ITPK1: variants seen among roughly 807,000 people sequenced by gnomAD.
ITPK1 encodes the protein inositol-tetrakisphosphate 1-kinase, also known as inositol 1,3,4-trisphosphate 5/6-kinase.
In ITPK1, 21 loss-of-function variants were observed where a neutral mutation model predicts 45.3. That is an observed-to-expected ratio of 0.46 (90% confidence interval 0.33 to 0.67). The LOEUF is 0.67. Among genes scored for constraint, ITPK1 ranks in the 30% least tolerant of loss-of-function variants. The probability of loss-of-function intolerance (pLI) is 0.02; values close to 1 mark genes in which losing one functional copy is unlikely to be tolerated. For synonymous variants in ITPK1, 258 were observed against 253.6 expected (o/e 1.02, Z -0.16); for missense variants, 474 against 573.5 (o/e 0.83, Z 1.77).
At position 93,049,312 on chromosome 14, in the gene ITPK1, G is replaced by A. The variant is rs145268345; in HGVS notation, c.120+27283C>T. ...GTGCTAAGTACCAAGGTGAGTGCCT[G>A]CGAGGAGCCCACAGGTAAACACAGT... On this transcript the variant is annotated intron_variant, in intron 3 of 10. Transcript: ENST00000267615. Among the ~76,000 whole-genome samples the A allele has an allele frequency of 5.5e-4, 84 of 152,328 alleles. No homozygotes were observed. The Middle Eastern group carries it at 0.02, about 37-fold the overall frequency.
chr14:93,048,584 C>A (rs370292394), intron 3 of ITPK1, among the ~76,000 whole-genome samples: 1 of 152,184 alleles, frequency 6.6e-6, no homozygotes, highest in Non-Finnish European at 1.5e-5. Context: ...GCTCCTGATA[C>A]TCCCACAAAA....
chr14:92,988,608 G>C (rs1886622760), intron 5 of ITPK1, among the ~76,000 whole-genome samples: 1 of 152,160 alleles, frequency 6.6e-6, no homozygotes, highest in Non-Finnish European at 1.5e-5. Context: ...CTTTGCCTCG[G>C]TCCCTCTCCA....
rs565389936 is a variant in ITPK1, at chr14:93,084,507, C to T, written c.96-7888G>A. 7.7e-4 allele frequency among the ~76,000 whole-genome samples: 118 copies of T among 152,320 alleles called. 1 individual carries two copies. In the Middle Eastern group the frequency reaches 0.01, roughly 13 times the overall value. Reference sequence around the variant, plus strand: ...CCACTGCAGGGCAGACCACAGCCCCCGAGAGTCTCTGGATCCAGAGTGCAT... The same window carrying T: ...CCACTGCAGGGCAGACCACAGCCCCTGAGAGTCTCTGGATCCAGAGTGCAT... On this transcript the variant is annotated intron_variant, in intron 2 of 10. Coordinates refer to ENST00000267615, the MANE Select transcript of ITPK1 (RefSeq NM_014216.6).
Position 92,993,920 on chromosome 14 carries a change from C to T in ITPK1, c.324G>A (p.Lys108=). 6.2e-7 allele frequency: 1 copy of T among 1,613,884 alleles called. No homozygotes were observed. The highest frequency in any genetic ancestry group is 8.5e-7 in the Non-Finnish European group (1 of 1,179,792). Residue 108 remains lysine (K), a synonymous_variant, in exon 5 of 11, where the codon AAG becomes AAA. Coordinates refer to ENST00000267615, the MANE Select transcript of ITPK1 (RefSeq NM_014216.6). ...CAATCTTCCGGATGAGCTCATAGGA[C>T]TTGGAGCGGTCAAGCAGGGTTCTGA... ...PAIRTLLDRS[K]SYELIRKIEA...
At chr14:93,021,610 A>AAAAAAG (rs1888470988) in intron 3 of ITPK1, among the ~76,000 whole-genome samples, 1 of 149,738 alleles carries the variant, frequency 6.7e-6, no homozygotes, top group African/African-American at 2.5e-5. Context: ...AAAAGAAAAG[A>AAAAAAG]AAAAGAAAAA....
At chr14:93,082,827 C>T (rs1314096791) in intron 2 of ITPK1, among the ~76,000 whole-genome samples, 1 of 152,162 alleles carries the variant, frequency 6.6e-6, no homozygotes, top group Non-Finnish European at 1.5e-5. Context: ...TTCTATGTGG[C>T]GAGAATCCAG....
chr14:92,976,365 C>T (rs1257250917), intron 5 of ITPK1, among the ~76,000 whole-genome samples: 1 of 152,212 alleles, frequency 6.6e-6, no homozygotes, highest in Admixed American at 6.5e-5. Context: ...GCCAGAGAGG[C>T]TGTCTTTCTC....
At chr14:93,090,843 A>G (rs1306687771) in intron 2 of ITPK1, among the ~76,000 whole-genome samples, 1 of 152,058 alleles carries the variant, frequency 6.6e-6, no homozygotes, top group Non-Finnish European at 1.5e-5. Context: ...TGGCTGCTTC[A>G]ATGTCCAAAT....
At position 93,032,874 on chromosome 14, in the gene ITPK1, C is replaced by T. The variant is rs368858092; in HGVS notation, c.121-16073G>A. On this transcript the variant is annotated intron_variant, in intron 3 of 10. Coordinates refer to ENST00000267615, the MANE Select transcript of ITPK1 (RefSeq NM_014216.6). This position sits in a 1 kb window ranked among gnomAD's most constrained non-coding sequence, Gnocchi z 4.0. ...TCGGGTGACAAAGGCCAGCACGGAT[C>T]GGATCGTGCACCCTGCAAAGCCAGC... is the stretch of plus-strand genomic sequence containing the variant. Among the ~76,000 whole-genome samples the T allele has an allele frequency of 3.3e-5, 5 of 152,210 alleles. No individual in the cohort carries two copies. Among genetic ancestry groups the T allele is most frequent in the East Asian group, 3.8e-4 (2 of 5,200 alleles).
At chr14:93,001,048 C>T (rs1858018716) in intron 4 of ITPK1, among the ~76,000 whole-genome samples, 2 of 150,164 alleles carry the variant, frequency 1.3e-5, no homozygotes, top group Non-Finnish European at 1.5e-5. Context: ...GGGAGGCTGA[C>T]GCGGGAGTAT....
intron 2 of ITPK1, among the ~76,000 whole-genome samples, chr14:93,096,875 C>G (rs554632267): frequency 3.8e-4 from 58 of 152,216 alleles, no homozygotes; most frequent in Non-Finnish European, 6.5e-4. Flanking sequence ...AAACTTCCCA[C>G]CACCACACAG....
intron 2 of ITPK1, among the ~76,000 whole-genome samples, chr14:93,085,797 G>A (rs1891626869): frequency 1.3e-5 from 2 of 152,224 alleles, no homozygotes; most frequent in African/African-American, 4.8e-5. Flanking sequence ...TTTTAGTGTG[G>A]AAATTCTCGA....
At chr14:92,959,723 G>C (rs974031128) in intron 7 of ITPK1, among the ~76,000 whole-genome samples, 5 of 150,910 alleles carry the variant, frequency 3.3e-5, no homozygotes, top group African/African-American at 1.2e-4. Flanking sequence ...AAAAAAAAAA[G>C]ATTCCACTGT....
intron 3 of ITPK1, among the ~76,000 whole-genome samples, chr14:93,044,001 G>A (rs200315490): frequency 1.1e-4 from 16 of 152,190 alleles, no homozygotes; most frequent in East Asian, 9.6e-4. Flanking sequence ...TCTGGAACCC[G>A]GCTTGTGGAT....
chr14:93,002,943 G>A (rs1204408965), intron 4 of ITPK1, among the ~76,000 whole-genome samples: 1 of 152,174 alleles, frequency 6.6e-6, no homozygotes, highest in Non-Finnish European at 1.5e-5. Context: ...CCCAGCCCTG[G>A]AGCAAGACAG....
intron 10 of ITPK1, among the ~76,000 whole-genome samples, chr14:92,942,399 G>A (rs1046597682): frequency 2.0e-5 from 3 of 152,170 alleles, no homozygotes; most frequent in Admixed American, 6.5e-5. Flanking sequence ...TTCCCTGTCT[G>A]CAAACTGAGA....
At chr14:92,967,006 T>G (rs887438357) in intron 5 of ITPK1, among the ~76,000 whole-genome samples, 10 of 152,342 alleles carry the variant, frequency 6.6e-5, no homozygotes, top group Admixed American at 5.2e-4. Context: ...AAAACATAGA[T>G]GTGAACCTTC....
chr14:92,950,662 G>A (rs1887915666), intron 9 of ITPK1, among the ~76,000 whole-genome samples: 3 of 152,192 alleles, frequency 2.0e-5, no homozygotes, highest in Non-Finnish European at 4.4e-5. Flanking sequence ...CACGGCTGCT[G>A]GCCTTGCCCC....
intron 9 of ITPK1, 92 bp from the exon 10 acceptor site, chr14:92,946,585 C>T (rs888011758): frequency 2.6e-5 from 33 of 1,272,212 alleles, no homozygotes; most frequent in African/African-American, 5.8e-5. Flanking sequence ...TGCCACGAGG[C>T]CCTGGCATGC....
Sources: gnomAD v4.1 joint callset for allele counts (sites outside exome capture counted in the v4.1 genomes callset) on GRCh38, gnomAD v4.1.1 for gene constraint, Gnocchi (gnomAD v3.1) non-coding constraint, MANE v1.5 for transcripts, NCBI Gene and HGNC (gene_info 2026-07-23, HGNC 2026-07-21) for gene names.